ETFA: variants seen among roughly 807,000 people sequenced by gnomAD.
ETFA encodes electron transfer flavoprotein subunit alpha.
ETFA carries 22 observed loss-of-function variants against 46.2 expected under a neutral mutation model. The ratio of observed to expected loss-of-function variants is 0.48; its 90% CI spans 0.34 to 0.68. The LOEUF (loss-of-function observed/expected upper bound fraction) is 0.68. ETFA is among the 30% of genes least tolerant of loss of function. The pLI is 0.01. For synonymous variants in ETFA, 131 were observed against 139.9 expected (o/e 0.94, Z 0.45); for missense variants, 345 against 401.1 (o/e 0.86, Z 1.19).
intron 9 of ETFA, among the ~76,000 whole-genome samples, chr15:76,268,830 A>G (rs570139860): frequency 4.6e-5 from 7 of 152,250 alleles, no homozygotes; most frequent in Non-Finnish European, 1.0e-4. Flanking sequence ...CACAGCCTGC[A>G]ATTGCCTTGC....
At chr15:76,230,320 G>A (rs1243395476) in intron 10 of ETFA, 2 of 50,368 alleles carry the variant, frequency 4.0e-5, no homozygotes, top group Non-Finnish European at 8.1e-5. Context: ...TCCGCCTCCC[G>A]GGTTCACGCC....
rs185849033 is a variant in ETFA at position 76,232,844 on chromosome 15, C to T, written c.817-1446G>A. 2.2e-4 allele frequency among the ~76,000 whole-genome samples: 33 copies of T among 152,304 alleles called. No individual in the cohort carries two copies. The East Asian group carries it at 2.3e-3, about 11-fold the overall frequency. ...TATAGCCAGAGCTGGAGAACCACTA[C>T]AATAAGTGATCCCTCAGCTCTTTGG... On this transcript the variant is annotated intron_variant, in intron 9 of 11. Transcript: ENST00000557943.
At chr15:76,253,743 A>G (rs1031786229) in intron 9 of ETFA, among the ~76,000 whole-genome samples, 2 of 152,184 alleles carry the variant, frequency 1.3e-5, no homozygotes, top group African/African-American at 4.8e-5. Flanking sequence ...CACAAGTGTA[A>G]TTCTTGCCAA....
At chr15:76,229,355 A>G (rs568482223) in intron 10 of ETFA, among the ~76,000 whole-genome samples, 2 of 152,354 alleles carry the variant, frequency 1.3e-5, no homozygotes, top group African/African-American at 4.8e-5. Context: ...TCTGTTGACT[A>G]GATGGAGATA....
At chr15:76,266,773 G>A (rs903010258) in intron 9 of ETFA, among the ~76,000 whole-genome samples, 9 of 152,066 alleles carry the variant, frequency 5.9e-5, no homozygotes, top group Non-Finnish European at 7.4e-5. Flanking sequence ...GTGTGGTGGC[G>A]GGCGCCTGTA....
intron 8 of ETFA, among the ~76,000 whole-genome samples, chr15:76,277,515 A>C (rs201936158): frequency 2.9e-4 from 40 of 138,880 alleles, no homozygotes; most frequent in Admixed American, 1.1e-3. Context: ...AAAAAAAAAA[A>C]ACAAAAAACC....
intron 4 of ETFA, among the ~76,000 whole-genome samples, chr15:76,289,915 A>G (rs557822090): frequency 1.3e-5 from 2 of 152,316 alleles, no homozygotes; most frequent in East Asian, 3.9e-4. Flanking sequence ...ACACCCTTTC[A>G]TGGTCTAACA....
At chr15:76,293,795 C>T (rs1245615125) in intron 2 of ETFA, among the ~76,000 whole-genome samples, 1 of 152,252 alleles carries the variant, frequency 6.6e-6, no homozygotes, top group Non-Finnish European at 1.5e-5. Flanking sequence ...AATACATTCT[C>T]TGCTAAACCA....
chr15:76,279,734 A>G (rs1461183376), intron 8 of ETFA, among the ~76,000 whole-genome samples: 1 of 151,858 alleles, frequency 6.6e-6, no homozygotes, highest in Admixed American at 6.6e-5. Flanking sequence ...TAGTTGATCA[A>G]TTTTTTCCCC....
chr15:76,269,097 T>C (rs2039502428), intron 9 of ETFA, among the ~76,000 whole-genome samples: 1 of 152,228 alleles, frequency 6.6e-6, no homozygotes, highest in Admixed American at 6.5e-5. Context: ...ACTTGCAGAT[T>C]TTGTTCTAAT....
chr15:76,239,732 G>T (rs754311331), intron 9 of ETFA, among the ~76,000 whole-genome samples: 1 of 148,314 alleles, frequency 6.7e-6, no homozygotes, highest in Non-Finnish European at 1.5e-5. Context: ...CTTAGAGAAA[G>T]ATCCCTAAAA....
At chr15:76,297,379 TAATAA>T in intron 1 of ETFA, among the ~76,000 whole-genome samples, 1 of 151,310 alleles carries the variant, frequency 6.6e-6, no homozygotes, top group African/African-American at 2.4e-5. Context: ...TAAATAAAAT[TAATAA>T]AATAATTAAA....
intron 11 of ETFA, among the ~76,000 whole-genome samples, chr15:76,219,093 G>C (rs2038929228): frequency 6.6e-6 from 1 of 152,158 alleles, no homozygotes; most frequent in Non-Finnish European, 1.5e-5. Context: ...CAAAAAATGA[G>C]GCACAGACAG....
At chr15:76,295,936 C>CTTTTTTTGTTT (rs2039816685) in intron 1 of ETFA, among the ~76,000 whole-genome samples, 199 bp from the exon 2 acceptor site, 1 of 46,602 alleles carries the variant, frequency 2.1e-5, no homozygotes, top group Admixed American at 4.0e-4. Flanking sequence ...CACTAATATT[C>CTTTTTTTGTTT]TTTTTTTTTT....
At chr15:76,244,197 A>T (rs1052535899) in intron 9 of ETFA, among the ~76,000 whole-genome samples, 3 of 152,198 alleles carry the variant, frequency 2.0e-5, no homozygotes, top group Non-Finnish European at 4.4e-5. Flanking sequence ...CAAAATGTTT[A>T]TTTAAGAGAA....
intron 10 of ETFA, chr15:76,228,098 T>C (rs1302334484): frequency 2.5e-6 from 1 of 392,166 alleles, no homozygotes; most frequent in Non-Finnish European, 5.1e-6. Flanking sequence ...TAGTTATTGA[T>C]GGTAAATTAT....
chr15:76,260,324 C>T (rs2039395521), intron 9 of ETFA: 3 of 1,318,408 alleles, frequency 2.3e-6, no homozygotes, highest in Middle Eastern at 1.9e-4. Context: ...CAAAGCCTTG[C>T]CCAAACCACG....
intron 9 of ETFA, among the ~76,000 whole-genome samples, chr15:76,242,541 A>T (rs1197252090): frequency 1.3e-5 from 2 of 152,234 alleles, no homozygotes; most frequent in East Asian, 3.8e-4. Flanking sequence ...TTCCAATCCT[A>T]AGTATATATT....
At chr15:76,251,450 T>G (rs1009908383) in intron 9 of ETFA, among the ~76,000 whole-genome samples, 5 of 151,974 alleles carry the variant, frequency 3.3e-5, no homozygotes, top group African/African-American at 4.8e-5. Flanking sequence ...TTAAAAGGGG[T>G]GACAATTTAA....
Sources: gnomAD v4.1 joint callset for allele counts (sites outside exome capture counted in the v4.1 genomes callset) on GRCh38, gnomAD v4.1.1 for gene constraint, MANE v1.5 for transcripts, NCBI Gene and HGNC (gene_info 2026-07-23, HGNC 2026-07-21) for gene names.